The following PACRG variants were observed in gnomAD, a reference collection of about 807,000 sequenced individuals.
The protein encoded by PACRG is parkin coregulated gene protein.
A neutral mutation model predicts 29.7 loss-of-function variants in PACRG; 29 were observed. The ratio of observed to expected loss-of-function variants is 0.98; its 90% CI spans 0.73 to 1.33. The LOEUF (loss-of-function observed/expected upper bound fraction) is 1.33. PACRG is among the 40% of genes most tolerant of loss of function. PACRG has a pLI of 0.00. For missense variants in PACRG, 279 were observed against 316.2 expected (o/e 0.88, Z 0.89); for synonymous variants, 116 against 118.7 (o/e 0.98, Z 0.15).
chr6:163,297,296 T>C (rs1784812965), intron 4 of PACRG, among the ~76,000 whole-genome samples: 1 of 152,218 alleles, frequency 6.6e-6, no homozygotes, highest in Admixed American at 6.5e-5. Flanking sequence ...GAAATACTTC[T>C]TCAGTGGAGG....
chr6:163,309,194 T>C (rs748920404), intron 4 of PACRG, among the ~76,000 whole-genome samples: 1 of 152,226 alleles, frequency 6.6e-6, no homozygotes, highest in Non-Finnish European at 1.5e-5. Flanking sequence ...GTGTGCAAAG[T>C]GGCTACGCCT....
At chr6:163,251,935 T>C (rs1247854119) in intron 4 of PACRG, among the ~76,000 whole-genome samples, 1 of 152,152 alleles carries the variant, frequency 6.6e-6, no homozygotes, top group African/African-American at 2.4e-5. Flanking sequence ...AATAATAATA[T>C]CAACTCTGAC....
chr6:162,960,185 G>C (rs1314112884), intron 2 of PACRG, among the ~76,000 whole-genome samples: 1 of 152,198 alleles, frequency 6.6e-6, no homozygotes, highest in African/African-American at 2.4e-5. Context: ...ATTCACTGTG[G>C]AAAGCAGTTT....
chr6:163,221,173 A>G (rs4709683), intron 4 of PACRG, among the ~76,000 whole-genome samples: 46,866 of 152,168 alleles, frequency 0.31, 7,758 homozygotes, highest in East Asian at 0.6. Context: ...AGTAAATGGC[A>G]CATGATAAAA....
At chr6:162,797,461 C>T (rs1785479148) in intron 1 of PACRG, among the ~76,000 whole-genome samples, 2 of 152,158 alleles carry the variant, frequency 1.3e-5, no homozygotes, top group South Asian at 4.1e-4. Flanking sequence ...CTGACTCTTA[C>T]AAGTGACTTG....
At chr6:163,275,156 G>A (rs558043168) in intron 4 of PACRG, among the ~76,000 whole-genome samples, 32 of 152,224 alleles carry the variant, frequency 2.1e-4, no homozygotes, top group Non-Finnish European at 3.4e-4. Flanking sequence ...TTACAGGCAT[G>A]AGCCACCATG....
At chr6:163,309,514 G>C (rs554536759) in intron 4 of PACRG, among the ~76,000 whole-genome samples, 2 of 152,354 alleles carry the variant, frequency 1.3e-5, no homozygotes, top group Non-Finnish European at 2.9e-5. Context: ...TTGTTACTGA[G>C]CCTGGCAAGT....
At chr6:163,227,104 G>T (rs137997948) in intron 4 of PACRG, among the ~76,000 whole-genome samples, 1 of 152,250 alleles carries the variant, frequency 6.6e-6, no homozygotes, top group Non-Finnish European at 1.5e-5. Context: ...TTGCTATAAG[G>T]AAATACCTGA....
intron 2 of PACRG, among the ~76,000 whole-genome samples, chr6:162,961,865 C>G (rs950746658): frequency 5.3e-5 from 8 of 152,194 alleles, no homozygotes; most frequent in African/African-American, 1.9e-4. Context: ...ATTCTTCCTT[C>G]TTGGAGCACC....
At chr6:163,240,759 C>T (rs868639892) in intron 4 of PACRG, among the ~76,000 whole-genome samples, 19 of 152,194 alleles carry the variant, frequency 1.2e-4, no homozygotes, top group African/African-American at 4.3e-4. Flanking sequence ...ACCCTCGGGG[C>T]GCTGCCCTGT....
At chr6:163,294,860 A>G (rs1050831122) in intron 4 of PACRG, among the ~76,000 whole-genome samples, 4 of 152,242 alleles carry the variant, frequency 2.6e-5, no homozygotes, top group African/African-American at 7.2e-5. Context: ...TTTCATATAT[A>G]TCACAACTGA....
intron 4 of PACRG, among the ~76,000 whole-genome samples, chr6:163,152,923 C>T (rs542490615): frequency 2.0e-5 from 3 of 152,236 alleles, no homozygotes; most frequent in Admixed American, 6.5e-5. Context: ...TAGTGAGCTC[C>T]GGAGGGTAAA....
At chr6:162,743,989 A>G (rs1221119246) in intron 1 of PACRG, among the ~76,000 whole-genome samples, 1 of 152,122 alleles carries the variant, frequency 6.6e-6, no homozygotes, top group Non-Finnish European at 1.5e-5. Flanking sequence ...TATTTAAAAG[A>G]TATGTAATTG....
intron 4 of PACRG, among the ~76,000 whole-genome samples, chr6:163,117,751 C>CA (rs35801516): frequency 0.11 from 12,115 of 108,170 alleles, 1,685 homozygotes; most frequent in African/African-American, 0.35. Context: ...GACTCTGTCT[C>CA]AAAAAAAAAA....
At chr6:163,049,501 C>T (rs1037200830) in intron 2 of PACRG, among the ~76,000 whole-genome samples, 4 of 151,858 alleles carry the variant, frequency 2.6e-5, no homozygotes, top group East Asian at 3.9e-4. Context: ...AAAACATTAA[C>T]GAATTCAAAA....
chr6:162,958,651 G>A (rs1800254374), intron 2 of PACRG, among the ~76,000 whole-genome samples: 1 of 151,366 alleles, frequency 6.6e-6, no homozygotes, highest in Non-Finnish European at 1.5e-5. Context: ...GGATAAAGCA[G>A]CAATCAAAAC....
intron 4 of PACRG, among the ~76,000 whole-genome samples, chr6:163,263,934 T>C (rs1783431730): frequency 6.6e-6 from 1 of 152,222 alleles, no homozygotes; most frequent in Non-Finnish European, 1.5e-5. Flanking sequence ...TTTTGTGCTT[T>C]TTTGTTGATG....
rs73601573 is a variant in PACRG at position 163,261,168 on chromosome 6, G to A, written c.614-53659G>A. Among the ~76,000 whole-genome samples the A allele has an allele frequency of 5.4e-3, 825 of 152,164 alleles. 13 individuals are homozygous for A. Among genetic ancestry groups the A allele is most frequent in the African/African-American group, 0.019 (779 of 41,506 alleles). On this transcript the variant is annotated intron_variant, in intron 4 of 4. Transcript: ENST00000366888. ...CCCGGCTCCCCATGTTCCTGAGCCC[G>A]GAGCTGATCTCCGCCTCTTCTGCCC...
intron 2 of PACRG, among the ~76,000 whole-genome samples, chr6:163,047,821 A>AAT (rs1809555055): frequency 6.6e-6 from 1 of 152,186 alleles, no homozygotes; most frequent in Non-Finnish European, 1.5e-5. Context: ...AAGCAAAATC[A>AAT]ATATATGCAT....
Sources: allele counts gnomAD v4.1 joint callset (sites outside exome capture counted in the v4.1 genomes callset), GRCh38; gene constraint gnomAD v4.1.1; transcripts MANE v1.5; gene names NCBI Gene and HGNC (gene_info 2026-07-23, HGNC 2026-07-21).